Variants in SHC4 observed in about 807,000 individuals in gnomAD.
The protein encoded by SHC4 is SHC adaptor protein 4.
In SHC4, 41 loss-of-function variants were observed where a neutral mutation model predicts 69.4. The observed-to-expected ratio is 0.59, with a 90% CI of 0.46 to 0.77. The LOEUF (loss-of-function observed/expected upper bound fraction) is 0.77. Ranked by LOEUF, SHC4 falls within the 30% of genes least tolerant of loss-of-function variation. The probability of loss-of-function intolerance (pLI) is 0.00; values close to 1 mark genes in which losing one functional copy is unlikely to be tolerated. For missense variants in SHC4, 777 were observed against 783.8 expected, an observed-to-expected ratio of 0.99 and a Z score of 0.10; for synonymous variants, 318 against 299.3, an observed-to-expected ratio of 1.06 and a Z score of -0.64.
At chr15:48,901,941 C>T (rs1356537898) in intron 2 of SHC4, among the ~76,000 whole-genome samples, 1 of 152,102 alleles carries the variant, frequency 6.6e-6, no homozygotes, top group Non-Finnish European at 1.5e-5. Flanking sequence ...GTGGCTCATG[C>T]CTGTAATCCC....
intron 2 of SHC4, among the ~76,000 whole-genome samples, chr15:48,907,814 ATGTGTG>A (rs60841488): frequency 1.8e-4 from 26 of 145,084 alleles, no homozygotes; most frequent in African/African-American, 5.4e-4. Context: ...ATGAATGAAT[ATGTGTG>A]TGTGTGTGTG....
chr15:48,961,367 T>C (rs1901542976), intron 1 of SHC4, among the ~76,000 whole-genome samples: 1 of 152,210 alleles, frequency 6.6e-6, no homozygotes, highest in African/African-American at 2.4e-5. Flanking sequence ...TCTATTTGTC[T>C]TTATTCAACT....
At chr15:48,949,607 T>C (rs1901332819) in intron 1 of SHC4, among the ~76,000 whole-genome samples, 1 of 152,034 alleles carries the variant, frequency 6.6e-6, no homozygotes, top group South Asian at 2.1e-4. Context: ...CTTCTTAGGC[T>C]GATGCTTAAG....
At chr15:48,929,453 A>T (rs1900914529) in intron 1 of SHC4, among the ~76,000 whole-genome samples, 1 of 152,180 alleles carries the variant, frequency 6.6e-6, no homozygotes, top group African/African-American at 2.4e-5. Flanking sequence ...TATTTAAGAG[A>T]TGAGGAAATT....
chr15:48,858,252 A>G (rs1899370347), intron 6 of SHC4, among the ~76,000 whole-genome samples: 1 of 152,246 alleles, frequency 6.6e-6, no homozygotes, highest in Admixed American at 6.5e-5. Flanking sequence ...GACTTTCCAA[A>G]TCCCTTCCAA....
At chr15:48,878,069 C>G in intron 4 of SHC4, 4 of 1,425,030 alleles carry the variant, frequency 2.8e-6, no homozygotes, top group Non-Finnish European at 3.8e-6. Flanking sequence ...ACCACGCCTG[C>G]GCGCGGGGTT....
intron 10 of SHC4, among the ~76,000 whole-genome samples, chr15:48,840,314 C>T (rs149024686): frequency 2.0e-5 from 3 of 152,204 alleles, no homozygotes; most frequent in African/African-American, 7.2e-5. Flanking sequence ...AAAATTAGTA[C>T]CAGAACTCAG....
In SHC4 at chr15:48,883,912, C is replaced by T. The variant is rs927836765; in HGVS notation, c.840+336G>A. On this transcript the variant is annotated intron_variant, in intron 4 of 11. Coordinates refer to ENST00000332408, the MANE Select transcript of SHC4 (RefSeq NM_203349.4). ...ACACACAGTCTGTTAGTTGTGATAA[C>T]GGAATTGCTATCCATTTGGGGAGGG... Among the ~76,000 whole-genome samples, 6 of 152,126 alleles carry T rather than the reference C, an allele frequency of 3.9e-5. No individual in the cohort carries two copies. The East Asian group carries it at 5.8e-4, about 15-fold the overall frequency.
At chr15:48,959,468 A>C (rs761010457) in intron 1 of SHC4, among the ~76,000 whole-genome samples, 1 of 152,246 alleles carries the variant, frequency 6.6e-6, no homozygotes, top group Non-Finnish European at 1.5e-5. Flanking sequence ...TATTTGTTAA[A>C]TAAATGGATG....
intron 2 of SHC4, among the ~76,000 whole-genome samples, chr15:48,916,273 TCA>T (rs71120648): frequency 0.22 from 31,456 of 142,114 alleles, 3,556 homozygotes; most frequent in Middle Eastern, 0.33. Flanking sequence ...TGATGGTTGC[TCA>T]CACACACACA....
chr15:48,862,797 C>T lies in SHC4; in HGVS notation c.947-4982G>A, dbSNP rs765085415. On this transcript the variant is annotated intron_variant, in intron 6 of 11. Transcript: ENST00000332408. ...ATCTGAGATGTCTCCTTCAGAAGAACCTTGCTCTTCCCCTCTGTTAGGTAA... is the reference window on the plus strand; with the variant it reads ...ATCTGAGATGTCTCCTTCAGAAGAATCTTGCTCTTCCCCTCTGTTAGGTAA... Among the ~76,000 whole-genome samples, 5 of 152,284 alleles carry T rather than the reference C, an allele frequency of 3.3e-5. No homozygotes were observed. In the East Asian group the frequency reaches 5.8e-4, roughly 18 times the overall value.
At chr15:48,869,336 T>A (rs367729018) in intron 5 of SHC4, among the ~76,000 whole-genome samples, 1 of 152,148 alleles carries the variant, frequency 6.6e-6, no homozygotes, top group Non-Finnish European at 1.5e-5. Context: ...AGAAGGCTAT[T>A]CATTATTTTT....
chr15:48,907,294 G>A (rs76591686), intron 2 of SHC4, among the ~76,000 whole-genome samples: 10,820 of 150,754 alleles, frequency 0.072, 457 homozygotes, highest in Middle Eastern at 0.16. Context: ...GCGCTAGCTC[G>A]GCTCACTGCA....
intron 4 of SHC4, chr15:48,876,660 C>T (rs1899806876): frequency 1.5e-6 from 1 of 653,700 alleles, no homozygotes; most frequent in Non-Finnish European, 2.8e-6. Flanking sequence ...AGGAAGCATC[C>T]AACACAGGAG....
chr15:48,923,340 C>A (rs1431720379), intron 2 of SHC4, among the ~76,000 whole-genome samples: 1 of 152,100 alleles, frequency 6.6e-6, no homozygotes, highest in Non-Finnish European at 1.5e-5. Flanking sequence ...GACCTGAGGT[C>A]AGGAGTTCAA....
chr15:48,950,274 A>G (rs1901346337), intron 1 of SHC4, among the ~76,000 whole-genome samples: 1 of 147,672 alleles, frequency 6.8e-6, no homozygotes, highest in Non-Finnish European at 1.5e-5. Flanking sequence ...AATATATAAA[A>G]TTACATATAT....
chr15:48,830,862 G>A (rs1266997652), intron 11 of SHC4, among the ~76,000 whole-genome samples: 2 of 152,166 alleles, frequency 1.3e-5, no homozygotes, highest in Non-Finnish European at 2.9e-5. Flanking sequence ...AGGTCCTTTA[G>A]GAGATATTCT....
At chr15:48,836,209 G>C (rs973629432) in intron 10 of SHC4, among the ~76,000 whole-genome samples, 9 of 151,820 alleles carry the variant, frequency 5.9e-5, no homozygotes, top group Non-Finnish European at 1.5e-5. Flanking sequence ...AAAAAGGAAG[G>C]TTAAGGGACT....
intron 1 of SHC4, among the ~76,000 whole-genome samples, chr15:48,939,249 A>G (rs1901130624): frequency 6.6e-6 from 1 of 152,138 alleles, no homozygotes; most frequent in African/African-American, 2.4e-5. Context: ...GCAAGGGGCT[A>G]TGGGAGTGTG....
Sources: gnomAD v4.1 joint callset for allele counts (sites outside exome capture counted in the v4.1 genomes callset) on GRCh38, gnomAD v4.1.1 for gene constraint, MANE v1.5 for transcripts, NCBI Gene and HGNC (gene_info 2026-07-23, HGNC 2026-07-21) for gene names.